PLEKHA7: variants seen among roughly 807,000 people sequenced by gnomAD.
The protein encoded by PLEKHA7 is pleckstrin homology domain-containing family A member 7.
PLEKHA7 carries 104 observed loss-of-function variants against 170.0 expected under a neutral mutation model. The ratio of observed to expected loss-of-function variants is 0.61; its 90% CI spans 0.52 to 0.72. The LOEUF is 0.72. Among genes scored for constraint, PLEKHA7 ranks in the 30% least tolerant of loss-of-function variants. The pLI, the probability that PLEKHA7 is intolerant of heterozygous loss-of-function variation, is 0.00. For synonymous variants in PLEKHA7, 648 were observed against 660.8 expected (o/e 0.98, Z 0.30); for missense variants, 1,615 against 1,671.7 (o/e 0.97, Z 0.59).
At chr11:16,893,747 A>T (rs916989392) in intron 3 of PLEKHA7, among the ~76,000 whole-genome samples, 1 of 152,228 alleles carries the variant, frequency 6.6e-6, no homozygotes, top group African/African-American at 2.4e-5. Context: ...CTTACTCCGT[A>T]AACCAGGACT....
At chr11:16,934,972 T>C (rs1453879947) in intron 3 of PLEKHA7, among the ~76,000 whole-genome samples, 1 of 152,200 alleles carries the variant, frequency 6.6e-6, no homozygotes, top group Non-Finnish European at 1.5e-5. Context: ...CTGGGGAAAG[T>C]AGGTGAAATC....
At chr11:16,802,875 T>C (rs567439875) in intron 15 of PLEKHA7, 97 bp downstream of exon 15, 2 of 1,035,620 alleles carry the variant, frequency 1.9e-6, no homozygotes, top group African/African-American at 1.6e-5. Flanking sequence ...TAACATCTGC[T>C]CTTCAATACT....
intron 13 of PLEKHA7, among the ~76,000 whole-genome samples, chr11:16,811,666 A>C (rs1849382659): frequency 6.6e-6 from 1 of 152,198 alleles, no homozygotes; most frequent in Non-Finnish European, 1.5e-5. Context: ...GCTCTGTGTG[A>C]CCTGACTGTC....
At chr11:16,980,938 A>G (rs910386331) in intron 3 of PLEKHA7, among the ~76,000 whole-genome samples, 4 of 152,096 alleles carry the variant, frequency 2.6e-5, no homozygotes, top group Non-Finnish European at 5.9e-5. Flanking sequence ...AGGGTCTCAC[A>G]TATCAGTGTC....
At chr11:16,871,976 T>G (rs1023802536) in intron 3 of PLEKHA7, among the ~76,000 whole-genome samples, 2 of 78,588 alleles carry the variant, frequency 2.5e-5, no homozygotes, top group Admixed American at 1.4e-4. Flanking sequence ...TGTAGACTTT[T>G]TTTTTTTTTT....
intron 19 of PLEKHA7, 74 bp downstream of exon 19, chr11:16,794,414 T>G: frequency 6.9e-7 from 1 of 1,448,818 alleles, no homozygotes; most frequent in Non-Finnish European, 9.7e-7. Flanking sequence ...TCCCAGGAGT[T>G]TCTCTCCCAG....
chr11:16,866,071 C>T (rs1464053971), intron 4 of PLEKHA7, among the ~76,000 whole-genome samples: 1 of 151,654 alleles, frequency 6.6e-6, no homozygotes, highest in Non-Finnish European at 1.5e-5. Flanking sequence ...TCTCCTGACC[C>T]ACCCGCCTTG....
intron 17 of PLEKHA7, among the ~76,000 whole-genome samples, chr11:16,795,851 CTTTTTTT>C (rs1179377641): frequency 6.4e-5 from 6 of 93,080 alleles, no homozygotes; most frequent in East Asian, 3.7e-4. Context: ...CAGTTTTTTC[CTTTTTTT>C]TTTTTTTTTT....
At chr11:16,875,094 G>A (rs1855173056) in intron 3 of PLEKHA7, among the ~76,000 whole-genome samples, 2 of 152,204 alleles carry the variant, frequency 1.3e-5, no homozygotes, top group Admixed American at 1.3e-4. Flanking sequence ...CAGACCTAGA[G>A]ACAGTTCTTC....
At chr11:16,849,916 G>A (rs1007295513) in intron 8 of PLEKHA7, among the ~76,000 whole-genome samples, 4 of 152,194 alleles carry the variant, frequency 2.6e-5, no homozygotes, top group African/African-American at 9.7e-5. Flanking sequence ...ACCTGTTGAT[G>A]AGTAAAGCCA....
chr11:16,806,288 G>A (rs1490672715), intron 13 of PLEKHA7, among the ~76,000 whole-genome samples: 6 of 152,224 alleles, frequency 3.9e-5, no homozygotes, highest in East Asian at 1.9e-4. Flanking sequence ...CCAGACAGCC[G>A]AGGCTGCTAA....
rs1847821877 is a variant in PLEKHA7, at chr11:16,791,134, A to T, written c.2811T>A (p.Ala937=). 1 of 1,613,992 alleles carries T rather than the reference A, an allele frequency of 6.2e-7. No homozygotes were observed. Among genetic ancestry groups the T allele is most frequent in the Non-Finnish European group, 8.5e-7 (1 of 1,179,934 alleles). The change falls in exon 20 of 27, where the codon GCT becomes GCA. Residue 937 remains alanine (A), a synonymous_variant. Transcript: ENST00000531066. This position sits in a 1 kb window ranked among gnomAD's most constrained non-coding sequence, Gnocchi z 4.5. ...TGGCCTCTCTTGGCAGAGGCGGCAC[A>T]GCCGGGGGCTGGTCCTCTGGGCTGT... The part of the protein sequence containing the change: ...ELYSPEDQPP[A]VPPLPREATI...
intron 17 of PLEKHA7, among the ~76,000 whole-genome samples, chr11:16,798,037 T>C (rs1333436708): frequency 6.6e-6 from 1 of 152,146 alleles, no homozygotes; most frequent in African/African-American, 2.4e-5. Flanking sequence ...CCACACTGGG[T>C]AGAAAGGCTC....
At chr11:16,932,179 C>G (rs1322895202) in intron 3 of PLEKHA7, among the ~76,000 whole-genome samples, 1 of 152,084 alleles carries the variant, frequency 6.6e-6, no homozygotes, top group African/African-American at 2.4e-5. Context: ...ATTAAAAATA[C>G]CTACCTCTGT....
intron 3 of PLEKHA7, among the ~76,000 whole-genome samples, chr11:16,892,619 C>CTTTTTTTTTTTTTT (rs10674972): frequency 3.6e-5 from 3 of 82,414 alleles, no homozygotes; most frequent in African/African-American, 1.0e-4. Context: ...CTTCCAGCTT[C>CTTTTTTTTTTTTTT]TTTTTTTTTT....
chr11:16,926,474 T>A (rs936552097), intron 3 of PLEKHA7, among the ~76,000 whole-genome samples: 9 of 152,186 alleles, frequency 5.9e-5, no homozygotes, highest in Non-Finnish European at 1.3e-4. Flanking sequence ...CAACAGATAA[T>A]CTTCCTACAC....
chr11:16,851,456 A>T (rs865986319), intron 7 of PLEKHA7, among the ~76,000 whole-genome samples, 165 bp from the exon 8 acceptor site: 28 of 150,510 alleles, frequency 1.9e-4, no homozygotes, highest in Middle Eastern at 3.4e-3. Context: ...TTATTTATTT[A>T]TTTTTTTTTT....
intron 18 of PLEKHA7, 47 bp from the exon 19 acceptor site, chr11:16,794,761 C>T: frequency 1.9e-6 from 3 of 1,589,422 alleles, no homozygotes; most frequent in Non-Finnish European, 2.6e-6. Context: ...ACAAAGACCC[C>T]CTTCCTTGGA....
In PLEKHA7 at chr11:16,783,587, G is replaced by A. The variant is rs541337248; in HGVS notation, c.3650+113C>T. ...CCTCCAATGAGTAGGGCTTACCTGA[G>A]ACGAAGACCTGGCAAAACACGCACC... On this transcript the variant is annotated intron_variant, in intron 25 of 26. Coordinates refer to ENST00000531066, the MANE Select transcript of PLEKHA7 (RefSeq NM_001329630.2). 44 of 1,200,082 alleles carry A rather than the reference G, an allele frequency of 3.7e-5. No individual in the cohort carries two copies. In the South Asian group the frequency reaches 8.9e-4, roughly 24 times the overall value. The allele number at this position is 1,200,082 out of a possible 1,614,324, so 74.3% of individuals were successfully genotyped here.
Sources: allele counts gnomAD v4.1 joint callset (sites outside exome capture counted in the v4.1 genomes callset), GRCh38; gene constraint gnomAD v4.1.1; non-coding constraint Gnocchi (gnomAD v3.1); transcripts MANE v1.5; gene names NCBI Gene and HGNC (gene_info 2026-07-23, HGNC 2026-07-21).